The following CCDC157 variants were observed in gnomAD, a reference collection of about 807,000 sequenced individuals.
The protein encoded by CCDC157 is coiled-coil domain containing 157.
A neutral mutation model predicts 70.9 loss-of-function variants in CCDC157; 60 were observed. The observed-to-expected ratio is 0.85, with a 90% CI of 0.69 to 1.05. CCDC157 has a LOEUF of 1.05. Among genes scored for constraint, CCDC157 ranks in the 50% least tolerant of loss-of-function variants. CCDC157 has a pLI of 0.00. For synonymous variants in CCDC157, 373 were observed against 422.4 expected, an observed-to-expected ratio of 0.88 and a Z score of 1.43; for missense variants, 943 against 984.2, an observed-to-expected ratio of 0.96 and a Z score of 0.56.
At chr22:30,360,491 C>T (rs375899515) in intron 1 of CCDC157, among the ~76,000 whole-genome samples, 67 of 148,490 alleles carry the variant, frequency 4.5e-4, no homozygotes, top group African/African-American at 1.6e-3. Context: ...AGCGACAGAG[C>T]GAGACTCCGT....
chr22:30,356,771 C>A (rs1298639347), upstream of CCDC157: 23 of 1,464,838 alleles, frequency 1.6e-5, no homozygotes, highest in Middle Eastern at 1.8e-4. Context: ...GGGGGCACCG[C>A]CTGCACGGGT....
rs1349682030 is a variant in CCDC157, at chr22:30,375,460, C to T, written c.1673-19C>T. 2 of 1,613,734 alleles carry T rather than the reference C, an allele frequency of 1.2e-6. No individual in the cohort carries two copies. Among genetic ancestry groups the T allele is most frequent in the East Asian group, 4.5e-5 (2 of 44,870 alleles). On this transcript the variant is annotated intron_variant, in intron 9 of 11. Transcript: ENST00000338306. ...AGCTGGTGTGCCTCCCTTCTAAGGT[C>T]CTGTCCCATTGGGCACAGGAGGCAG...
intron 7 of CCDC157, chr22:30,372,604 A>C: frequency 7.4e-6 from 2 of 269,212 alleles, no homozygotes; most frequent in Non-Finnish European, 1.4e-5. Context: ...TGCCATGGGA[A>C]TCCAGAATGG....
At chr22:30,356,725 G>T (rs370765021), upstream of CCDC157, 4 of 1,491,330 alleles carry the variant, frequency 2.7e-6, no homozygotes, top group Non-Finnish European at 3.6e-6. Flanking sequence ...GCGGGGGAGA[G>T]GTACCTGTTT....
At position 30,378,097 on chromosome 22, in the gene CCDC157, G is replaced by T. The variant is rs1021333435; in HGVS notation, c.*1352G>T. The T allele has an allele frequency of 2.1e-6, 1 of 470,994 alleles. No homozygotes were observed. Among genetic ancestry groups the T allele is most frequent in the South Asian group, 1.5e-5 (1 of 64,564 alleles). The allele number at this position is 470,994 out of a possible 1,614,324, so 29.2% of individuals were successfully genotyped here. ...CTGGCTGTAAGCCAGGTCCTCTCAC[G>T]GCTCCTAGAGGCCGTCCACCTTCCT... On this transcript the variant is annotated 3_prime_UTR_variant, in exon 12 of 12. Coordinates refer to ENST00000338306, the MANE Select transcript of CCDC157 (RefSeq NM_001017437.5).
Position 30,374,088 on chromosome 22 carries a change from C to T in CCDC157, c.1669C>T (p.His557Tyr). 6.3e-7 allele frequency: 1 copy of T among 1,594,668 alleles called. No homozygotes were observed. The change falls in exon 9 of 12, where the codon CAT becomes TAT. Residue 557 changes from histidine (H) to tyrosine (Y), a missense_variant. His to Tyr is a moderately conservative substitution (Grantham distance 83). Transcript: ENST00000338306. Reference sequence around the variant, plus strand: ...GCACAGGCCCACCGAGACCCAGATCCATGGTAGGGGACTGGGGATGGTGCC... The same window carrying T: ...GCACAGGCCCACCGAGACCCAGATCTATGGTAGGGGACTGGGGATGGTGCC... ...DLHRPTETQIHGGRSSSVESQ... is the reference protein window; with the variant it reads ...DLHRPTETQIYGGRSSSVESQ...
chr22:30,377,056 G>A lies in CCDC157; in HGVS notation c.*311G>A, dbSNP rs1488684559. Reference sequence around the variant, plus strand: ...TAAGACCTGGGCCAGGTGAAGGTCCGTTTTTCTATCCCCAGAGCAAGGGTC... The same window carrying A: ...TAAGACCTGGGCCAGGTGAAGGTCCATTTTTCTATCCCCAGAGCAAGGGTC... On this transcript the variant is annotated 3_prime_UTR_variant, in exon 12 of 12. Transcript: ENST00000338306. 3 of 434,400 alleles carry A rather than the reference G, an allele frequency of 6.9e-6. No individual in the cohort carries two copies. Among genetic ancestry groups the A allele is most frequent in the Non-Finnish European group, 1.3e-5 (3 of 237,032 alleles). 26.9% of individuals were successfully genotyped at this position (434,400 alleles called of 1,614,324 possible). A position where few individuals can be genotyped will look rare whatever the true frequency, so the allele number is the denominator to read the frequency against.
intron 1 of CCDC157, among the ~76,000 whole-genome samples, chr22:30,360,883 TA>T (rs1932290690): frequency 6.6e-6 from 1 of 151,732 alleles, no homozygotes; most frequent in African/African-American, 2.4e-5. Flanking sequence ...CCATCTCTAA[TA>T]AAAAATACAA....
chr22:30,378,316 A>C lies in CCDC157; in HGVS notation c.*1571A>C. The C allele has an allele frequency of 6.1e-6, 2 of 329,930 alleles. No individual in the cohort carries two copies. The highest frequency in any genetic ancestry group is 2.4e-5 in the South Asian group (1 of 42,232). 20.4% of individuals were successfully genotyped at this position (329,930 alleles called of 1,614,324 possible). On this transcript the variant is annotated 3_prime_UTR_variant, in exon 12 of 12. Transcript: ENST00000338306. The stretch of plus-strand genomic sequence containing the variant: ...TCAGGTCAGCTTGCTATAAGACAGA[A>C]CCCAACCATGGGCATAAAATCCCTT...
chr22:30,358,823 A>G (rs1257613115), intron 1 of CCDC157, among the ~76,000 whole-genome samples: 1 of 152,238 alleles, frequency 6.6e-6, no homozygotes, highest in East Asian at 1.9e-4. Context: ...TGGCAGCTTC[A>G]GACTGAGGGT....
chr22:30,374,278 T>C, intron 9 of CCDC157, 187 bp downstream of exon 9: 1 of 688,004 alleles, frequency 1.5e-6, no homozygotes, highest in Non-Finnish European at 2.5e-6. Flanking sequence ...TCATCCACTC[T>C]GCATAGACAG....
At position 30,369,506 on chromosome 22, in the gene CCDC157, A is replaced by G. The variant is rs1202660352; in HGVS notation, c.323A>G (p.Gln108Arg). The change falls in exon 4 of 12, where the codon CAG becomes CGG. Residue 108 changes from glutamine (Q) to arginine (R), a missense_variant. Gln to Arg is a conservative substitution (Grantham distance 43, BLOSUM62 1). Transcript: ENST00000338306. ...TCAGAGCAGATGATGCCCCCTGCAC[A>G]GGCTGCGGGGCCCTGCATGTCCGTG... Reference protein sequence around the residue: ...LGSEQMMPPAQAAGPCMSVGL... With the variant: ...LGSEQMMPPARAAGPCMSVGL... The G allele has an allele frequency of 1.2e-6, 2 of 1,605,774 alleles. No individual in the cohort carries two copies. Among genetic ancestry groups the G allele is most frequent in the Non-Finnish European group, 1.7e-6 (2 of 1,175,386 alleles).
chr22:30,369,931 C>T, intron 4 of CCDC157: 2 of 462,010 alleles, frequency 4.3e-6, no homozygotes, highest in Non-Finnish European at 7.7e-6. Context: ...ATCCACACAA[C>T]CACCCACTGG....
chr22:30,362,853 G>T (rs892178972), intron 2 of CCDC157, among the ~76,000 whole-genome samples: 57 of 152,326 alleles, frequency 3.7e-4, no homozygotes, highest in Middle Eastern at 3.4e-3. Flanking sequence ...CACTCAGTGG[G>T]GTGCCGTTTT....
chr22:30,371,627 G>GGCC, intron 5 of CCDC157, 23 bp from the exon 6 acceptor site: 1 of 1,602,392 alleles, frequency 6.2e-7, no homozygotes, highest in Non-Finnish European at 8.6e-7. Flanking sequence ...CCCTCTGAAG[G>GGCC]GCCTCTCTCT....
chr22:30,362,278 A>G (rs142936249), intron 2 of CCDC157, among the ~76,000 whole-genome samples, 164 bp downstream of exon 2: 2 of 152,324 alleles, frequency 1.3e-5, no homozygotes, highest in African/African-American at 2.4e-5. Flanking sequence ...CCAACCACAA[A>G]TAACTTCTCA....
At chr22:30,371,969 C>A in intron 6 of CCDC157, 106 bp from the exon 7 acceptor site, 1 of 835,430 alleles carries the variant, frequency 1.2e-6, no homozygotes, top group Non-Finnish European at 1.9e-6. Context: ...CATTTTGTGG[C>A]TGAGGACTCT....
At position 30,373,635 on chromosome 22, in the gene CCDC157, G is replaced by C. The variant is rs1676291276; in HGVS notation, c.1374G>C (p.Leu458=). 1 of 1,557,776 alleles carries C rather than the reference G, an allele frequency of 6.4e-7. No individual in the cohort carries two copies. The highest frequency in any genetic ancestry group is 8.7e-7 in the Non-Finnish European group (1 of 1,150,612). The change falls in exon 8 of 12, where the codon CTG becomes CTC. Residue 458 remains leucine, a synonymous_variant. Transcript: ENST00000338306. The part of the protein sequence containing the change: ...QAKQRALLKQ[L]DSLDQEREEL... ...AGCAGCGAGCCCTGCTAAAGCAGCT[G>C]GACAGCCTGGACCAGGAACGTGAGG...
chr22:30,363,741 T>G (rs5753096), intron 2 of CCDC157, among the ~76,000 whole-genome samples: 1 of 144,442 alleles, frequency 6.9e-6, no homozygotes, highest in Non-Finnish European at 1.5e-5. Context: ...CAGGCTGGAG[T>G]GCAATGGCGC....
Sources: allele counts gnomAD v4.1 joint callset (sites outside exome capture counted in the v4.1 genomes callset), GRCh38; gene constraint gnomAD v4.1.1; transcripts MANE v1.5; gene names NCBI Gene and HGNC (gene_info 2026-07-23, HGNC 2026-07-21).